CLK4: variants seen among roughly 807,000 people sequenced by gnomAD.
CLK4 encodes CDC like kinase 4, also known as dual specificity protein kinase CLK4.
Under a neutral mutation model 64.4 loss-of-function variants are expected in CLK4, and 37 were observed. The ratio of observed to expected loss-of-function variants is 0.57; its 90% CI spans 0.44 to 0.76. The LOEUF (loss-of-function observed/expected upper bound fraction) is 0.76, where lower values mean the gene tolerates loss of function less well. Among genes scored for constraint, CLK4 ranks in the 30% least tolerant of loss-of-function variants. The pLI is 0.00. For missense variants in CLK4, 457 were observed against 605.1 expected, an observed-to-expected ratio of 0.76 and a Z score of 2.57; for synonymous variants, 175 against 191.6, an observed-to-expected ratio of 0.91 and a Z score of 0.72.
chr5:178,613,665 A>G (rs953955466), intron 6 of CLK4, 26 bp from the exon 7 acceptor site: 1 of 1,606,522 alleles, frequency 6.2e-7, no homozygotes, highest in South Asian at 1.1e-5. Context: ...ATAATAATTC[A>G]GTTTATGGAA....
At chr5:178,612,221 T>TCC (rs1764567089) in intron 9 of CLK4, among the ~76,000 whole-genome samples, 195 bp downstream of exon 9, 1 of 152,208 alleles carries the variant, frequency 6.6e-6, no homozygotes, top group African/African-American at 2.4e-5. Flanking sequence ...ACCTGGAATA[T>TCC]CTTTCCCAGA....
In CLK4 at chr5:178,617,665, A is replaced by C. The variant is rs1409786199; in HGVS notation, c.385-231T>G. On this transcript the variant is annotated intron_variant, in intron 3 of 12. Transcript: ENST00000316308. This position sits in a 1 kb window ranked among gnomAD's most constrained non-coding sequence, Gnocchi z 5.2. ...CAAGGAACAGATTTTCAGATAAGAT[A>C]CTTAAAGTGGCAATAGAAAAAAACA... The C allele has an allele frequency of 2.9e-6, 1 of 345,048 alleles. No individual in the cohort carries two copies. The highest frequency in any genetic ancestry group is 5.1e-6 in the Non-Finnish European group (1 of 195,188). The allele number at this position is 345,048 out of a possible 1,614,324, so 21.4% of individuals were successfully genotyped here.
At position 178,618,755 on chromosome 5, in the gene CLK4, A is replaced by G; in HGVS notation, c.185T>C (p.Leu62Ser). 1 of 1,613,324 alleles carries G rather than the reference A, an allele frequency of 6.2e-7. No homozygotes were observed. Reference protein sequence around the residue: ...SDCHYLEARSLNERDYRDRRY... With the variant: ...SDCHYLEARSSNERDYRDRRY... The stretch of plus-strand genomic sequence containing the variant: ...CCGGTCCCGATAATCTCGCTCATTC[A>G]AGGACCTTGCTTCTAAATAATGACT... Residue 62 changes from leucine to serine, a missense_variant, in exon 3 of 13, where the codon TTG (leucine) becomes TCG (serine). Coordinates refer to ENST00000316308, the MANE Select transcript of CLK4 (RefSeq NM_020666.3).
chr5:178,626,225 G>A (rs924409610), intron 1 of CLK4, among the ~76,000 whole-genome samples: 21 of 152,210 alleles, frequency 1.4e-4, no homozygotes, highest in Admixed American at 3.3e-4. Context: ...AGACAAAGTG[G>A]CTGGCGAGTT....
intron 11 of CLK4, 44 bp from the exon 12 acceptor site, chr5:178,603,978 G>T: frequency 6.9e-7 from 1 of 1,452,970 alleles, no homozygotes; most frequent in Non-Finnish European, 9.5e-7. Context: ...AATAACAAGA[G>T]TCGTATCTTT....
intron 10 of CLK4, among the ~76,000 whole-genome samples, chr5:178,606,281 T>C (rs1289576194): frequency 6.6e-6 from 1 of 152,174 alleles, no homozygotes; most frequent in Non-Finnish European, 1.5e-5. Flanking sequence ...AGCATTCACT[T>C]TGCTTAACTT....
At chr5:178,604,042 CTT>C (rs1051333394) in intron 11 of CLK4, 108 bp from the exon 12 acceptor site, 65 of 746,150 alleles carry the variant, frequency 8.7e-5, no homozygotes, top group Middle Eastern at 5.5e-4. Context: ...AGTGTATAGA[CTT>C]ATATAATATA....
intron 1 of CLK4, among the ~76,000 whole-genome samples, chr5:178,625,701 C>A (rs1486893623): frequency 6.6e-6 from 1 of 152,104 alleles, no homozygotes; most frequent in Non-Finnish European, 1.5e-5. Context: ...TCCAGCAAAA[C>A]AGAACTCTCA....
chr5:178,608,924 C>T (rs1166469580), intron 9 of CLK4, among the ~76,000 whole-genome samples: 1 of 152,196 alleles, frequency 6.6e-6, no homozygotes, highest in Non-Finnish European at 1.5e-5. Flanking sequence ...CATGAGTTTA[C>T]TTCTTCCGTT....
At chr5:178,623,180 G>A (rs1581712002) in intron 2 of CLK4, 76 bp downstream of exon 2, 2 of 1,330,270 alleles carry the variant, frequency 1.5e-6, no homozygotes, top group African/African-American at 3.0e-5. Flanking sequence ...TTTGACAGAT[G>A]AAAGCTATAT....
At chr5:178,610,150 C>T (rs956660938) in intron 9 of CLK4, among the ~76,000 whole-genome samples, 4 of 146,516 alleles carry the variant, frequency 2.7e-5, no homozygotes, top group Non-Finnish European at 4.5e-5. Flanking sequence ...ATTAGCTGGG[C>T]GTGGTGGCGG....
At position 178,608,557 on chromosome 5, in the gene CLK4, T is replaced by C. The variant is rs1375860669; in HGVS notation, c.1052-99A>G. On this transcript the variant is annotated intron_variant, in intron 9 of 12. Coordinates refer to ENST00000316308, the MANE Select transcript of CLK4 (RefSeq NM_020666.3). ...ATGAGTGCTCCCTTTACAGAACCCATTTGGGAGAATAAGACACCAAATTCA... is the reference window on the plus strand; with the variant it reads ...ATGAGTGCTCCCTTTACAGAACCCACTTGGGAGAATAAGACACCAAATTCA... The C allele has an allele frequency of 1.5e-5, 12 of 778,650 alleles. No homozygotes were observed. The East Asian group carries it at 1.9e-4, about 12-fold the overall frequency. 48.2% of individuals were successfully genotyped at this position (778,650 alleles called of 1,614,324 possible). A position where few individuals can be genotyped will look rare whatever the true frequency, so the allele number is the denominator to read the frequency against.
Position 178,617,443 on chromosome 5 carries a change from G to C in CLK4, c.385-9C>G. On this transcript the variant is annotated splice_polypyrimidine_tract_variant and intron_variant, in intron 3 of 12. Transcript: ENST00000316308. The surrounding 1 kb of genome is among the most constrained non-coding windows in gnomAD (Gnocchi z 5.2). ...TTCCTTCGGTGGCTCTTCTGGAACG[G>C]CAAGTGGGCAGCACCAAGATCGTCC... is the stretch of plus-strand genomic sequence containing the variant. 6.2e-7 allele frequency: 1 copy of C among 1,606,944 alleles called. No individual in the cohort carries two copies. Among genetic ancestry groups the C allele is most frequent in the Non-Finnish European group, 8.5e-7 (1 of 1,173,808 alleles).
chr5:178,613,188 C>T (rs557599212), intron 7 of CLK4, among the ~76,000 whole-genome samples: 17 of 152,052 alleles, frequency 1.1e-4, no homozygotes, highest in Non-Finnish European at 1.9e-4. Flanking sequence ...TTTGGGAGGC[C>T]GAGGGGGGCA....
chr5:178,617,243 A>T lies in CLK4; in HGVS notation c.475+101T>A, dbSNP rs1764639381. ...CAAACAAACCCACAAAAAGCAAAAT[A>T]AAAAAGCAATGAAGAGTTCTTTAGC... On this transcript the variant is annotated intron_variant, in intron 4 of 12. Transcript: ENST00000316308. This position sits in a 1 kb window ranked among gnomAD's most constrained non-coding sequence, Gnocchi z 5.2. 1.1e-6 allele frequency: 1 copy of T among 891,592 alleles called. No individual in the cohort carries two copies. Among genetic ancestry groups the T allele is most frequent in the Non-Finnish European group, 1.8e-6 (1 of 558,880 alleles). 55.2% of individuals were successfully genotyped at this position (891,592 alleles called of 1,614,324 possible).
chr5:178,614,994 T>C (rs1764606939), intron 5 of CLK4, among the ~76,000 whole-genome samples: 1 of 152,194 alleles, frequency 6.6e-6, no homozygotes, highest in South Asian at 2.1e-4. Context: ...TGGCTATATG[T>C]ACTCATTTTT....
intron 11 of CLK4, 170 bp downstream of exon 11, chr5:178,605,129 CAAAA>C: frequency 3.0e-5 from 6 of 199,596 alleles, no homozygotes; most frequent in Middle Eastern, 1.7e-3. Flanking sequence ...GACTCCATCT[CAAAA>C]AAAAAAAAAG....
chr5:178,626,379 G>C (rs1458215355), intron 1 of CLK4, among the ~76,000 whole-genome samples: 1 of 152,208 alleles, frequency 6.6e-6, no homozygotes, highest in Non-Finnish European at 1.5e-5. Flanking sequence ...ACTAGCCTCC[G>C]CAAATTTCCA....
intron 10 of CLK4, among the ~76,000 whole-genome samples, chr5:178,606,039 T>G (rs188004427): frequency 6.6e-6 from 1 of 152,334 alleles, no homozygotes; most frequent in African/African-American, 2.4e-5. Flanking sequence ...TTAAAAGAAA[T>G]CTATCAACTA....
Sources: gnomAD v4.1 joint callset for allele counts (sites outside exome capture counted in the v4.1 genomes callset) on GRCh38, gnomAD v4.1.1 for gene constraint, Gnocchi (gnomAD v3.1) non-coding constraint, MANE v1.5 for transcripts, NCBI Gene and HGNC (gene_info 2026-07-23, HGNC 2026-07-21) for gene names.